SP140: variants seen among roughly 807,000 people sequenced by gnomAD.
SP140 encodes the protein SP140 nuclear body protein.
A neutral mutation model predicts 125.0 loss-of-function variants in SP140; 81 were observed. The observed-to-expected ratio is 0.65, with a 90% CI of 0.54 to 0.78. The LOEUF is 0.78. Among genes scored for constraint, SP140 ranks in the 30% least tolerant of loss-of-function variants. The pLI is 0.00. For synonymous variants in SP140, 312 were observed against 354.0 expected, an observed-to-expected ratio of 0.88 and a Z score of 1.33; for missense variants, 858 against 1,037.0, an observed-to-expected ratio of 0.83 and a Z score of 2.37.
chr2:230,200,530 C>T, upstream of SP140: 2 of 250,608 alleles, frequency 8.0e-6, no homozygotes, highest in South Asian at 1.0e-4. Flanking sequence ...GATCAAGCTG[C>T]ACTTTCGACA....
intron 12 of SP140, among the ~76,000 whole-genome samples, chr2:230,259,263 T>A (rs1429313486): frequency 6.6e-6 from 1 of 152,038 alleles, no homozygotes. Flanking sequence ...CACTCTTCCC[T>A]CCAAGTCCCC....
chr2:230,302,991 C>A (rs2058429528), intron 22 of SP140, among the ~76,000 whole-genome samples: 1 of 151,930 alleles, frequency 6.6e-6, no homozygotes, highest in Admixed American at 6.6e-5. Flanking sequence ...TAAGTTCACA[C>A]CTGAAGGAAC....
chr2:230,246,248 G>A (rs1444621166), intron 7 of SP140, among the ~76,000 whole-genome samples: 1 of 152,094 alleles, frequency 6.6e-6, no homozygotes, highest in Non-Finnish European at 1.5e-5. Flanking sequence ...GACTGGTTGG[G>A]GCTTTCCTGC....
downstream of SP140, among the ~76,000 whole-genome samples, chr2:230,315,124 A>C (rs979930153): frequency 2.0e-5 from 3 of 152,212 alleles, no homozygotes; most frequent in African/African-American, 7.2e-5. Context: ...AAAAGATTGG[A>C]CATCAATGAG....
chr2:230,273,246 A>G (rs1001172856), intron 15 of SP140, among the ~76,000 whole-genome samples: 1 of 152,238 alleles, frequency 6.6e-6, no homozygotes, highest in Admixed American at 6.5e-5. Flanking sequence ...ACAAATTTAC[A>G]AGAAAAACAA....
At chr2:230,233,342 G>A (rs993323308) in intron 1 of SP140, among the ~76,000 whole-genome samples, 1 of 151,532 alleles carries the variant, frequency 6.6e-6, no homozygotes, top group Non-Finnish European at 1.5e-5. Context: ...CCAAGATATC[G>A]CACCACTGCA....
intron 12 of SP140, among the ~76,000 whole-genome samples, chr2:230,264,646 T>A (rs2052772906): frequency 6.6e-6 from 1 of 152,166 alleles, no homozygotes; most frequent in Non-Finnish European, 1.5e-5. Context: ...TTGTTCAGAT[T>A]CTTTTGTCCC....
chr2:230,274,184 A>G (rs1365571982), intron 15 of SP140, among the ~76,000 whole-genome samples: 1 of 152,036 alleles, frequency 6.6e-6, no homozygotes, highest in African/African-American at 2.4e-5. Flanking sequence ...AATGGAGGAA[A>G]TCAGAAATCC....
chr2:230,226,762 C>CAAAAAAAAA (rs11323886), intron 1 of SP140, among the ~76,000 whole-genome samples: 15 of 94,262 alleles, frequency 1.6e-4, no homozygotes, highest in Non-Finnish European at 2.8e-4. Context: ...AATTCCATCT[C>CAAAAAAAAA]AAAAAAAAAA....
intron 26 of SP140, among the ~76,000 whole-genome samples, chr2:230,311,822 C>T (rs1318641184): frequency 6.6e-6 from 1 of 152,238 alleles, no homozygotes. Flanking sequence ...AGCTCCTCCC[C>T]CACCTGCCCC....
At chr2:230,315,436 C>A (rs373009438), downstream of SP140, among the ~76,000 whole-genome samples, 61 of 152,216 alleles carry the variant, frequency 4.0e-4, no homozygotes, top group African/African-American at 1.3e-3. Context: ...CTATCATAGC[C>A]CCTGTTAGAG....
Position 230,211,591 on chromosome 2 carries a change from A to T in SP140, c.-322-2063A>T, listed in dbSNP as rs1184169490. On this transcript the variant is annotated intron_variant, in intron 1 of 4. Coordinates refer to the SP140 transcript ENST00000456542. The surrounding 1 kb of genome is among the most constrained non-coding windows in gnomAD (Gnocchi z 4.2). ...AGAAAAAGTTTTAGATCTCAGGAACAGCAAGCAGGGACCAGAATGAGGAGA... is the reference window on the plus strand; with the variant it reads ...AGAAAAAGTTTTAGATCTCAGGAACTGCAAGCAGGGACCAGAATGAGGAGA... The T allele has an allele frequency of 8.2e-7, 1 of 1,213,050 alleles. No individual in the cohort carries two copies. Among genetic ancestry groups the T allele is most frequent in the South Asian group, 1.2e-5 (1 of 83,034 alleles). 75.1% of individuals were successfully genotyped at this position (1,213,050 alleles called of 1,614,324 possible).
At chr2:230,250,941 C>T (rs1191436585) in intron 9 of SP140, 40 bp from the exon 10 acceptor site, 1 of 1,608,632 alleles carries the variant, frequency 6.2e-7, no homozygotes, top group African/African-American at 1.3e-5. Flanking sequence ...ACTAAGTTTT[C>T]TCTTCATAAT....
chr2:230,212,739 T>C, intron 1 of SP140: 1 of 1,613,420 alleles, frequency 6.2e-7, no homozygotes, highest in Non-Finnish European at 8.5e-7. Flanking sequence ...TATACAGGTG[T>C]TGGATGGGAT....
chr2:230,300,332 A>G (rs1274543395), intron 22 of SP140, among the ~76,000 whole-genome samples: 1 of 152,212 alleles, frequency 6.6e-6, no homozygotes, highest in Admixed American at 6.5e-5. Flanking sequence ...CACTGCTAGC[A>G]TAACCAACAT....
chr2:230,283,631 C>T (rs530839354), intron 15 of SP140, among the ~76,000 whole-genome samples: 121 of 152,200 alleles, frequency 8.0e-4, no homozygotes, highest in Non-Finnish European at 1.6e-3. Context: ...TTGCTCCCTT[C>T]AATGAGCCTA....
chr2:230,193,972 T>C, the SP140 span, among the ~76,000 whole-genome samples: 2 of 152,158 alleles, frequency 1.3e-5, no homozygotes, highest in Non-Finnish European at 2.9e-5. Context: ...CTATAAGTCA[T>C]TGGTAGTGAA....
chr2:230,253,072 C>T (rs182787404), intron 10 of SP140, among the ~76,000 whole-genome samples: 1 of 152,140 alleles, frequency 6.6e-6, no homozygotes, highest in African/African-American at 2.4e-5. Context: ...GACATAGAAA[C>T]AGGAGGCAGG....
At chr2:230,272,968 TA>T (rs2054162986) in intron 15 of SP140, among the ~76,000 whole-genome samples, 1 of 152,154 alleles carries the variant, frequency 6.6e-6, no homozygotes, top group African/African-American at 2.4e-5. Context: ...GAATTAAATG[TA>T]AAACCCAAAA....
Sources: gnomAD v4.1 joint callset for allele counts (sites outside exome capture counted in the v4.1 genomes callset) on GRCh38, gnomAD v4.1.1 for gene constraint, Gnocchi (gnomAD v3.1) non-coding constraint, MANE v1.5 for transcripts, NCBI Gene and HGNC (gene_info 2026-07-23, HGNC 2026-07-21) for gene names.